Variants in EZR observed in about 807,000 individuals in gnomAD.
EZR encodes the protein cytovillin 2.
Under a neutral mutation model 74.8 loss-of-function variants are expected in EZR, and 40 were observed. That is an observed-to-expected ratio of 0.53 (90% CI 0.42 to 0.70). The LOEUF is 0.70. Ranked by LOEUF, EZR falls within the 30% of genes least tolerant of loss-of-function variation. The probability of loss-of-function intolerance (pLI) is 0.00; values close to 1 mark genes in which losing one functional copy is unlikely to be tolerated. For missense variants in EZR, 678 were observed against 755.8 expected, an observed-to-expected ratio of 0.90 and a Z score of 1.21; for synonymous variants, 341 against 283.3, an observed-to-expected ratio of 1.20 and a Z score of -2.05.
chr6:158,789,372 C>T lies in EZR; in HGVS notation c.13-1G>A. 6.2e-7 allele frequency: 1 copy of T among 1,613,660 alleles called. No individual in the cohort carries two copies. The highest frequency in any genetic ancestry group is 8.5e-7 in the Non-Finnish European group (1 of 1,179,578). On this transcript the variant is annotated splice_acceptor_variant, in intron 2 of 13. Coordinates refer to ENST00000367075, the MANE Select transcript of EZR (RefSeq NM_001111077.2). LOFTEE classifies it high-confidence loss of function. ...CCATGGTGGTAACTCGGACATTGATCTGAAAAACAGAATGAAACAAATTAC... is the reference window on the plus strand; with the variant it reads ...CCATGGTGGTAACTCGGACATTGATTTGAAAAACAGAATGAAACAAATTAC...
At chr6:158,773,616 C>CT (rs1244292179) in intron 8 of EZR, among the ~76,000 whole-genome samples, 22 of 152,214 alleles carry the variant, frequency 1.4e-4, no homozygotes, top group Admixed American at 1.3e-4. Flanking sequence ...AAAAGAGCCC[C>CT]TTTTCAAGTC....
chr6:158,766,695 A>C lies in EZR; in HGVS notation c.*219T>G, dbSNP rs1790871986. 1 of 580,960 alleles carries C rather than the reference A, an allele frequency of 1.7e-6. No homozygotes were observed. Among genetic ancestry groups the C allele is most frequent in the East Asian group, 2.9e-5 (1 of 34,978 alleles). 36.0% of individuals were successfully genotyped at this position (580,960 alleles called of 1,614,324 possible). A position where few individuals can be genotyped will look rare whatever the true frequency, so the allele number is the denominator to read the frequency against. ...CAACACAGGAGGTGATTCGAGAATA[A>C]TCGCGAGAATCAGGCCTGCTTGGCA... On this transcript the variant is annotated 3_prime_UTR_variant, in exon 14 of 14. Transcript: ENST00000367075.
Position 158,818,022 on chromosome 6 carries a change from T to C in EZR, c.12+60A>G, listed in dbSNP as rs369408948. On this transcript the variant is annotated intron_variant, in intron 2 of 13. Transcript: ENST00000367075. The stretch of plus-strand genomic sequence containing the variant: ...GAACTGCCCCAACACCTCGAGCAGG[T>C]GCCTCCCCTCTCCAATGAAGCCTCT... 1.3e-3 allele frequency: 1,978 copies of C among 1,567,034 alleles called. 3 individuals are homozygous for C. The highest frequency in any genetic ancestry group is 1.5e-3 in the Non-Finnish European group (1,709 of 1,147,808).
intron 2 of EZR, among the ~76,000 whole-genome samples, chr6:158,814,452 G>A (rs1293605030): frequency 6.6e-6 from 1 of 151,820 alleles, no homozygotes; most frequent in Non-Finnish European, 1.5e-5. Flanking sequence ...CATTTACCCC[G>A]CATCTTGGCC....
At chr6:158,817,988 G>T in intron 2 of EZR, 94 bp downstream of exon 2, 1 of 1,287,050 alleles carries the variant, frequency 7.8e-7, no homozygotes, top group Non-Finnish European at 1.1e-6. Context: ...GAAGAACCCT[G>T]TTCCCCAGGA....
chr6:158,789,251 T>C (rs56194802), intron 3 of EZR, 37 bp downstream of exon 3: 197,439 of 1,513,238 alleles, frequency 0.13, 13,899 homozygotes, highest in African/African-American at 0.14. Context: ...CAGTTTTTTT[T>C]TGTAGGTGGA....
intron 8 of EZR, among the ~76,000 whole-genome samples, chr6:158,775,157 C>T (rs764221685): frequency 1.5e-4 from 22 of 151,672 alleles, no homozygotes; most frequent in Admixed American, 9.2e-4. Flanking sequence ...CTCAGCCTCC[C>T]GAGCAGCTGA....
chr6:158,774,420 C>CT (rs563595069), intron 8 of EZR, among the ~76,000 whole-genome samples: 8 of 152,074 alleles, frequency 5.3e-5, no homozygotes, highest in Non-Finnish European at 1.0e-4. Context: ...TCTCAGTTGC[C>CT]TTTTTAACCC....
At chr6:158,779,581 T>C (rs1178818624) in intron 7 of EZR, among the ~76,000 whole-genome samples, 3 of 152,184 alleles carry the variant, frequency 2.0e-5, no homozygotes, top group African/African-American at 7.2e-5. Context: ...TATTTTAAAT[T>C]GAGATGGGGT....
chr6:158,773,568 T>C (rs1166964766), intron 8 of EZR, among the ~76,000 whole-genome samples: 5 of 151,612 alleles, frequency 3.3e-5, no homozygotes, highest in African/African-American at 1.2e-4. Context: ...TCAAGAAAAA[T>C]AAACCCAAGA....
intron 2 of EZR, among the ~76,000 whole-genome samples, chr6:158,813,576 G>A (rs756803366): frequency 6.6e-6 from 1 of 152,238 alleles, no homozygotes; most frequent in Non-Finnish European, 1.5e-5. Flanking sequence ...CAGATGCTAC[G>A]CATCCTCCTC....
chr6:158,775,265 C>T (rs1203477085), intron 8 of EZR, among the ~76,000 whole-genome samples: 1 of 152,134 alleles, frequency 6.6e-6, no homozygotes, highest in Non-Finnish European at 1.5e-5. Context: ...AACTCCTGAC[C>T]TCGTGATTCG....
intron 2 of EZR, among the ~76,000 whole-genome samples, chr6:158,802,086 C>T (rs1281109755): frequency 6.6e-6 from 1 of 152,176 alleles, no homozygotes; most frequent in Non-Finnish European, 1.5e-5. Context: ...CAACGTAGTG[C>T]CCTTTAGATT....
intron 7 of EZR, 47 bp from the exon 8 acceptor site, chr6:158,776,551 C>A: frequency 7.4e-7 from 1 of 1,342,286 alleles, no homozygotes; most frequent in South Asian, 1.3e-5. Context: ...TACATATGTT[C>A]TTGGATTGGC....
intron 2 of EZR, among the ~76,000 whole-genome samples, chr6:158,806,061 A>G (rs1435780090): frequency 6.6e-6 from 1 of 152,270 alleles, no homozygotes; most frequent in African/African-American, 2.4e-5. Flanking sequence ...GGGAATACAA[A>G]GTAATAGTGG....
Position 158,803,844 on chromosome 6 carries a change from T to C in EZR, c.12+14238A>G, listed in dbSNP as rs1407022521. Among the ~76,000 whole-genome samples the C allele has an allele frequency of 3.3e-5, 5 of 151,364 alleles. No homozygotes were observed. The East Asian group carries it at 9.7e-4, about 29-fold the overall frequency. On this transcript the variant is annotated intron_variant, in intron 2 of 13. Coordinates refer to ENST00000367075, the MANE Select transcript of EZR (RefSeq NM_001111077.2). Reference sequence around the variant, plus strand: ...CAAACACAAAAAGCGGACAAACCAGTCCCATCTGTGCTCATTATTATCAGC... The same window carrying C: ...CAAACACAAAAAGCGGACAAACCAGCCCCATCTGTGCTCATTATTATCAGC...
chr6:158,776,534 A>G (rs368600564), intron 7 of EZR, 30 bp from the exon 8 acceptor site: 1 of 1,477,068 alleles, frequency 6.8e-7, no homozygotes, highest in Non-Finnish European at 9.4e-7. Flanking sequence ...GTGGATGGTT[A>G]GATGTATACA....
chr6:158,796,242 A>G (rs2128572872), intron 2 of EZR, among the ~76,000 whole-genome samples: 1 of 152,384 alleles, frequency 6.6e-6, no homozygotes, highest in African/African-American at 2.4e-5. Flanking sequence ...GTACCCCTCC[A>G]GGCAGACACA....
At chr6:158,795,828 A>G (rs1206771778) in intron 2 of EZR, among the ~76,000 whole-genome samples, 1 of 152,184 alleles carries the variant, frequency 6.6e-6, no homozygotes, top group Non-Finnish European at 1.5e-5. Context: ...CAAATTTGGG[A>G]ATCACTGGAA....
Sources: allele counts gnomAD v4.1 joint callset (sites outside exome capture counted in the v4.1 genomes callset), GRCh38; gene constraint gnomAD v4.1.1; transcripts MANE v1.5; gene names NCBI Gene and HGNC (gene_info 2026-07-23, HGNC 2026-07-21).